NF1: variants seen among roughly 807,000 people sequenced by gnomAD.
NF1 encodes the protein neurofibromin 1, also known as neurofibromin.
Under a neutral mutation model 325.7 loss-of-function variants are expected in NF1, and 122 were observed. The observed-to-expected ratio is 0.37, with a 90% CI of 0.32 to 0.44. The LOEUF (loss-of-function observed/expected upper bound fraction) is 0.44, where lower values mean the gene tolerates loss of function less well. Among genes scored for constraint, NF1 ranks in the 20% least tolerant of loss-of-function variants. NF1 has a pLI of 1.00. For missense variants in NF1, 2,140 were observed against 3,415.4 expected (o/e 0.63, Z 9.31); for synonymous variants, 1,091 against 1,186.0 (o/e 0.92, Z 1.65).
At chr17:31,189,276 A>G (rs1311099680) in intron 8 of NF1, among the ~76,000 whole-genome samples, 1 of 152,036 alleles carries the variant, frequency 6.6e-6, no homozygotes, top group Non-Finnish European at 1.5e-5. Flanking sequence ...TTTTTACTAT[A>G]TAGATATTTA....
At chr17:31,194,701 T>C (rs2143845087) in intron 8 of NF1, among the ~76,000 whole-genome samples, 1 of 152,236 alleles carries the variant, frequency 6.6e-6, no homozygotes, top group South Asian at 2.1e-4. Flanking sequence ...TGAACTCTAG[T>C]TTTAGAGCTG....
chr17:31,361,747 T>C (rs2070406147), intron 57 of NF1: 1 of 152,246 alleles, frequency 6.6e-6, no homozygotes, highest in African/African-American at 2.4e-5. Flanking sequence ...GTTTATGATC[T>C]CAGTTTTGCA....
chr17:31,220,851 C>T (rs577270602), intron 14 of NF1, among the ~76,000 whole-genome samples: 11 of 152,056 alleles, frequency 7.2e-5, no homozygotes, highest in African/African-American at 1.9e-4. Flanking sequence ...AATTGTACCA[C>T]GTTTTTGTAC....
At chr17:31,322,243 G>T (rs1457498229) in intron 36 of NF1, among the ~76,000 whole-genome samples, 1 of 151,984 alleles carries the variant, frequency 6.6e-6, no homozygotes, top group African/African-American at 2.4e-5. Flanking sequence ...CGTTGGGAGG[G>T]TTGACGCAGG....
intron 29 of NF1, among the ~76,000 whole-genome samples, chr17:31,239,828 T>C (rs2067264320): frequency 6.6e-6 from 1 of 152,210 alleles, no homozygotes; most frequent in African/African-American, 2.4e-5. Flanking sequence ...AGTGGTGCTA[T>C]CTTGGCTCAC....
At chr17:31,099,504 C>T (rs1019826431) in intron 1 of NF1, among the ~76,000 whole-genome samples, 1 of 151,026 alleles carries the variant, frequency 6.6e-6, no homozygotes, top group Non-Finnish European at 1.5e-5. Context: ...AACCTGCCTT[C>T]GTGGTGCCAA....
At chr17:31,155,872 G>C (rs2143622918) in intron 1 of NF1, 111 bp from the exon 2 acceptor site, 1 of 1,222,020 alleles carries the variant, frequency 8.2e-7, no homozygotes, top group South Asian at 1.4e-5. Flanking sequence ...ATAGGTATCT[G>C]TGGTTGATGC....
chr17:31,359,328 GAT>G (rs1474448261), intron 56 of NF1: 10 of 352,108 alleles, frequency 2.8e-5, no homozygotes, highest in Admixed American at 8.9e-5. Context: ...CACACAGTTA[GAT>G]ATCTTATGAC....
chr17:31,157,902 C>T (rs899690613), intron 2 of NF1, among the ~76,000 whole-genome samples: 1 of 151,640 alleles, frequency 6.6e-6, no homozygotes, highest in Non-Finnish European at 1.5e-5. Flanking sequence ...GGAGGCGGAG[C>T]TTGTAGTGAG....
intron 36 of NF1, among the ~76,000 whole-genome samples, chr17:31,289,124 A>T (rs1335223116): frequency 6.6e-6 from 1 of 152,200 alleles, no homozygotes; most frequent in African/African-American, 2.4e-5. Context: ...AGCTGAAATC[A>T]AAAGGATGAG....
intron 8 of NF1, among the ~76,000 whole-genome samples, chr17:31,183,691 A>G (rs961043794): frequency 2.6e-5 from 4 of 152,170 alleles, no homozygotes; most frequent in African/African-American, 9.7e-5. Flanking sequence ...CATTTGAGTC[A>G]GTGGGCTGGG....
At chr17:31,319,014 G>T in intron 36 of NF1, 2 of 1,591,196 alleles carry the variant, frequency 1.3e-6, no homozygotes, top group Non-Finnish European at 8.5e-7. Context: ...CCGTGGGCAT[G>T]CTTGGCAATC....
chr17:31,255,675 A>G (rs1275553337), intron 31 of NF1, among the ~76,000 whole-genome samples: 1 of 152,172 alleles, frequency 6.6e-6, no homozygotes, highest in East Asian at 1.9e-4. Context: ...CTTTTGGGAA[A>G]TCACTCAGTT....
intron 36 of NF1, among the ~76,000 whole-genome samples, chr17:31,308,995 T>G (rs903873649): frequency 6.6e-6 from 1 of 152,250 alleles, no homozygotes; most frequent in African/African-American, 2.4e-5. Context: ...TGTGTTGTAC[T>G]ATCCCAGTTT....
chr17:31,310,209 A>G (rs931487960), intron 36 of NF1, among the ~76,000 whole-genome samples: 11 of 152,182 alleles, frequency 7.2e-5, no homozygotes, highest in Non-Finnish European at 1.3e-4. Context: ...AATAAAAAGG[A>G]GATTTAGAAT....
intron 1 of NF1, among the ~76,000 whole-genome samples, chr17:31,119,337 G>A (rs1400561066): frequency 5.9e-5 from 9 of 152,078 alleles, no homozygotes; most frequent in Non-Finnish European, 1.5e-5. Flanking sequence ...GTATCTCATT[G>A]TGGTTTTGAT....
intron 8 of NF1, among the ~76,000 whole-genome samples, chr17:31,193,514 A>G (rs1221011695): frequency 6.6e-6 from 1 of 152,160 alleles, no homozygotes; most frequent in African/African-American, 2.4e-5. Context: ...CAAGCATTTA[A>G]GTTACTTTTC....
intron 1 of NF1, among the ~76,000 whole-genome samples, chr17:31,107,319 T>C (rs745647240): frequency 6.6e-6 from 1 of 152,164 alleles, no homozygotes; most frequent in Non-Finnish European, 1.5e-5. Context: ...ATGACAGTGA[T>C]AGTAGGTTTT....
intron 1 of NF1, among the ~76,000 whole-genome samples, chr17:31,124,676 T>A (rs1167026074): frequency 7.0e-6 from 1 of 142,794 alleles, no homozygotes; most frequent in Non-Finnish European, 1.5e-5. Context: ...CTCGGCTCAC[T>A]GCAAGCTCCG....
Sources: allele counts gnomAD v4.1 joint callset (sites outside exome capture counted in the v4.1 genomes callset), GRCh38; gene constraint gnomAD v4.1.1; transcripts MANE v1.5; gene names NCBI Gene and HGNC (gene_info 2026-07-23, HGNC 2026-07-21).